Variants in DDB1 observed in about 807,000 individuals in gnomAD.
The protein encoded by DDB1 is DNA damage-binding protein 1.
A neutral mutation model predicts 133.1 loss-of-function variants in DDB1; 18 were observed. That is an observed-to-expected ratio of 0.14 (90% CI 0.09 to 0.20). The LOEUF (loss-of-function observed/expected upper bound fraction) is 0.20. Among genes scored for constraint, DDB1 ranks in the 10% least tolerant of loss-of-function variants. The probability of loss-of-function intolerance (pLI) is 1.00; values close to 1 mark genes in which losing one functional copy is unlikely to be tolerated. For missense variants in DDB1, 828 were observed against 1,459.2 expected (o/e 0.57, Z 7.05); for synonymous variants, 580 against 550.5 (o/e 1.05, Z -0.75).
intron 21 of DDB1, among the ~76,000 whole-genome samples, chr11:61,306,978 C>CT (rs1855891207): frequency 6.6e-6 from 1 of 152,198 alleles, no homozygotes. Context: ...ATTGCCAATA[C>CT]CTCCTTCCCA....
chr11:61,316,967 A>ACG (rs1856089932), intron 10 of DDB1, among the ~76,000 whole-genome samples: 1 of 42,356 alleles, frequency 2.4e-5, no homozygotes, highest in African/African-American at 6.1e-5. Context: ...ATATATATAT[A>ACG]TATATATATA....
At chr11:61,300,760 A>C in intron 26 of DDB1, 49 bp downstream of exon 26, 1 of 1,607,494 alleles carries the variant, frequency 6.2e-7, no homozygotes, top group African/African-American at 1.3e-5. Context: ...GGCATGCCCC[A>C]ACCTGCAGTG....
At position 61,329,656 on chromosome 11, in the gene DDB1, T is replaced by C. The variant is rs555760107; in HGVS notation, c.328-72A>G. ...GCAACAGAGGACGCTGGGCACCACT[T>C]GTGCAGAAAAATTTTAGGAGAGGTA... On this transcript the variant is annotated intron_variant, in intron 3 of 26. Coordinates refer to ENST00000301764, the MANE Select transcript of DDB1 (RefSeq NM_001923.5). 5.7e-5 allele frequency: 81 copies of C among 1,432,526 alleles called. No individual in the cohort carries two copies. In the East Asian group the frequency reaches 1.9e-3, roughly 34 times the overall value. 88.7% of individuals were successfully genotyped at this position (1,432,526 alleles called of 1,614,324 possible).
chr11:61,326,729 G>A (rs1286064248), intron 5 of DDB1, 50 bp downstream of exon 5: 3 of 1,462,606 alleles, frequency 2.1e-6, no homozygotes, highest in African/African-American at 1.4e-5. Context: ...CAAGAACAGG[G>A]AACTAGCCTA....
At chr11:61,305,097 T>C (rs997737245) in intron 21 of DDB1, among the ~76,000 whole-genome samples, 2 of 151,710 alleles carry the variant, frequency 1.3e-5, no homozygotes, top group African/African-American at 4.8e-5. Context: ...ATAATCCCCA[T>C]GGCCTCTGCA....
chr11:61,302,889 G>T, intron 23 of DDB1, 138 bp from the exon 24 acceptor site: 1 of 1,320,814 alleles, frequency 7.6e-7, no homozygotes, highest in Non-Finnish European at 1.1e-6. Context: ...CCAGTCTAAA[G>T]AGGTGGATTT....
intron 10 of DDB1, among the ~76,000 whole-genome samples, chr11:61,316,987 A>G (rs1360074270): frequency 4.7e-5 from 4 of 84,830 alleles, no homozygotes; most frequent in African/African-American, 9.8e-5. Context: ...ATATATATAT[A>G]TATATATATA....
intron 23 of DDB1, 136 bp from the exon 24 acceptor site, chr11:61,302,887 A>C (rs1855824368): frequency 7.5e-7 from 1 of 1,326,058 alleles, no homozygotes; most frequent in Non-Finnish European, 1.0e-6. Context: ...AGCCAGTCTA[A>C]AGAGGTGGAT....
intron 2 of DDB1, 190 bp from the exon 3 acceptor site, chr11:61,330,264 T>C (rs1856344583): frequency 2.3e-6 from 1 of 441,332 alleles, no homozygotes; most frequent in East Asian, 3.3e-5. Flanking sequence ...AAGCCAGAAC[T>C]GAAGCTGGTA....
Position 61,329,395 on chromosome 11 carries a change from A to G in DDB1, c.517T>C (p.Cys173Arg). The change falls in exon 4 of 27, where the codon TGC becomes CGC. Residue 173 changes from cysteine to arginine, a missense_variant. Coordinates refer to ENST00000301764, the MANE Select transcript of DDB1 (RefSeq NM_001923.5). ...HVIDVKFLYGCQAPTICFVYQ... is the reference protein window; with the variant it reads ...HVIDVKFLYGRQAPTICFVYQ... ...ACAAAGCAAATAGTAGGTGCTTGGC[A>G]ACCATATAGGAACTTGACATCAATG... is the stretch of plus-strand genomic sequence containing the variant. The G allele has an allele frequency of 2.5e-6, 4 of 1,614,220 alleles. No individual in the cohort carries two copies. Among genetic ancestry groups the G allele is most frequent in the Non-Finnish European group, 3.4e-6 (4 of 1,180,016 alleles).
intron 6 of DDB1, 46 bp from the exon 7 acceptor site, chr11:61,324,183 C>T (rs1173765145): frequency 6.2e-7 from 1 of 1,610,832 alleles, no homozygotes; most frequent in Non-Finnish European, 8.5e-7. Flanking sequence ...GCATCTTCTA[C>T]ACCAGAAAAC....
rs768252620 is a variant in DDB1, at chr11:61,311,842, A to G, written c.2219T>C (p.Ile740Thr). The G allele has an allele frequency of 1.9e-6, 3 of 1,613,960 alleles. No individual in the cohort carries two copies. The highest frequency in any genetic ancestry group is 1.7e-6 in the Non-Finnish European group (2 of 1,180,002). The part of the protein sequence containing the change: ...SQCFGVLSSR[I>T]EVQDTSGGTT... ...GCCCCCACTCGTGTCTTGGACTTCA[A>G]TGCGGCTGGAGAGGACCCCGAAACA... is the stretch of plus-strand genomic sequence containing the variant. Residue 740 changes from isoleucine (I) to threonine (T), a missense_variant, in exon 18 of 27, where the codon ATT becomes ACT. By Grantham distance (89) the Ile-to-Thr change is moderately conservative (BLOSUM62 -1). Around this residue, in one of 7 missense-constraint regions of DDB1, gnomAD observed 396 missense variants for 554.1 expected, o/e 0.71. Transcript: ENST00000301764.
intron 18 of DDB1, chr11:61,310,814 TG>T (rs1368731165): frequency 1.3e-5 from 2 of 159,888 alleles, no homozygotes; most frequent in African/African-American, 4.8e-5. Context: ...TGTGGAAACA[TG>T]AAAGGCAGAG....
At chr11:61,306,765 C>T (rs1855888353) in intron 21 of DDB1, among the ~76,000 whole-genome samples, 1 of 152,190 alleles carries the variant, frequency 6.6e-6, no homozygotes, top group African/African-American at 2.4e-5. Flanking sequence ...TTCTCATGCT[C>T]ACCTAACAAA....
intron 4 of DDB1, among the ~76,000 whole-genome samples, chr11:61,327,359 C>A (rs549688100): frequency 2.0e-5 from 3 of 152,054 alleles, no homozygotes; most frequent in African/African-American, 7.2e-5. Flanking sequence ...GTCCCAGCTA[C>A]TCGGGAGGCT....
intron 10 of DDB1, chr11:61,321,380 C>T: frequency 2.1e-6 from 1 of 470,036 alleles, no homozygotes; most frequent in Admixed American, 3.6e-5. Flanking sequence ...CTCTATTCCA[C>T]TACCAATTTT....
rs1046777534 is a variant in DDB1 at position 61,314,068 on chromosome 11, G to A, written c.1732C>T (p.His578Tyr). ...ILKLPSFELL[H>Y]KEMLGGEIIP... ...ATACCTCCACCCAGCATCTCCTTGT[G>A]CAGTAGTTCAAAAGAGGGCAACTTC... Residue 578 changes from histidine (H) to tyrosine (Y), a missense_variant, in exon 14 of 27, where the codon CAC becomes TAC. Transcript: ENST00000301764. 1.9e-6 allele frequency: 3 copies of A among 1,614,076 alleles called. No individual in the cohort carries two copies. Among genetic ancestry groups the A allele is most frequent in the African/African-American group, 2.7e-5 (2 of 75,032 alleles).
intron 10 of DDB1, 30 bp downstream of exon 10, chr11:61,321,565 T>G: frequency 6.2e-7 from 1 of 1,606,148 alleles, no homozygotes. Flanking sequence ...TCATGTAAGA[T>G]CTACATCCTA....
intron 10 of DDB1, among the ~76,000 whole-genome samples, chr11:61,316,940 AG>A (rs1856079803): frequency 1.7e-5 from 1 of 60,388 alleles, no homozygotes; most frequent in South Asian, 6.4e-4. Flanking sequence ...AAAAAAAAAA[AG>A]GATAGATATA....
Sources: gnomAD v4.1 joint callset for allele counts (sites outside exome capture counted in the v4.1 genomes callset) on GRCh38, gnomAD v4.1.1 for gene constraint, gnomAD v4.1.1 regional missense constraint, MANE v1.5 for transcripts, NCBI Gene and HGNC (gene_info 2026-07-23, HGNC 2026-07-21) for gene names.